Variants in IGF2BP3 observed in about 807,000 individuals in gnomAD.
IGF2BP3 encodes the protein insulin-like growth factor 2 mRNA-binding protein 3.
IGF2BP3 carries 9 observed loss-of-function variants against 73.8 expected under a neutral mutation model. That is an observed-to-expected ratio of 0.12 (90% CI 0.07 to 0.21). The LOEUF is 0.21. IGF2BP3 is among the 10% of genes least tolerant of loss of function. The pLI is 1.00. For missense variants in IGF2BP3, 542 were observed against 714.0 expected (o/e 0.76, Z 2.75); for synonymous variants, 258 against 256.7 (o/e 1.01, Z -0.05).
intron 10 of IGF2BP3, among the ~76,000 whole-genome samples, chr7:23,333,370 C>T (rs1052729636): frequency 1.3e-5 from 2 of 152,192 alleles, no homozygotes; most frequent in African/African-American, 4.8e-5. Flanking sequence ...CAGCATCCTC[C>T]TCAGAGTGAA....
chr7:23,430,919 A>C (rs1787657286), intron 2 of IGF2BP3, among the ~76,000 whole-genome samples: 1 of 152,266 alleles, frequency 6.6e-6, no homozygotes, highest in Non-Finnish European at 1.5e-5. Flanking sequence ...CAATTACAAT[A>C]CACAGAATGA....
chr7:23,447,881 T>A (rs751701763), intron 2 of IGF2BP3, among the ~76,000 whole-genome samples: 1 of 152,106 alleles, frequency 6.6e-6, no homozygotes, highest in Non-Finnish European at 1.5e-5. Context: ...CTCAGGAGAC[T>A]GAGGTGGGAG....
chr7:23,386,484 C>A (rs1468351711), intron 3 of IGF2BP3, among the ~76,000 whole-genome samples: 2 of 152,186 alleles, frequency 1.3e-5, no homozygotes. Flanking sequence ...CAAAGGGACA[C>A]AGGAGCCCCC....
intron 3 of IGF2BP3, among the ~76,000 whole-genome samples, chr7:23,408,717 G>T (rs181784660): frequency 2.8e-4 from 42 of 152,166 alleles, no homozygotes; most frequent in African/African-American, 9.4e-4. Flanking sequence ...ATACCCAAAA[G>T]AATTGAAAGC....
chr7:23,392,465 T>A (rs201411259), intron 3 of IGF2BP3, among the ~76,000 whole-genome samples: 1 of 140,262 alleles, frequency 7.1e-6, no homozygotes, highest in African/African-American at 2.6e-5. Flanking sequence ...CACACACACA[T>A]ATATATGTAT....
intron 5 of IGF2BP3, among the ~76,000 whole-genome samples, chr7:23,356,536 C>T (rs1785100696): frequency 6.6e-6 from 1 of 152,218 alleles, no homozygotes; most frequent in Admixed American, 6.5e-5. Context: ...CCAAGTCTGC[C>T]TGGGCAACAG....
At chr7:23,458,108 G>A (rs76424078) in intron 2 of IGF2BP3, among the ~76,000 whole-genome samples, 1 of 152,134 alleles carries the variant, frequency 6.6e-6, no homozygotes, top group East Asian at 1.9e-4. Flanking sequence ...GGGTGACGTT[G>A]TATTCATCCT....
intron 2 of IGF2BP3, among the ~76,000 whole-genome samples, chr7:23,422,092 A>C (rs1185779018): frequency 6.6e-6 from 1 of 152,110 alleles, no homozygotes; most frequent in Non-Finnish European, 1.5e-5. Flanking sequence ...ATTCTGTTTT[A>C]ATCAAGTATC....
intron 3 of IGF2BP3, among the ~76,000 whole-genome samples, chr7:23,405,801 T>TA (rs1786810743): frequency 6.6e-6 from 1 of 152,322 alleles, no homozygotes; most frequent in African/African-American, 2.4e-5. Context: ...AAAGAGTTTC[T>TA]GAACTCTTCA....
Position 23,311,750 on chromosome 7 carries a change from CAAA to C in IGF2BP3, c.*609_*611del, listed in dbSNP as rs900103958. ...ATCATTATAAAGTATATAAAATTTTCAAAAAAAAGGAACAATTTTGCTTTTCAT... is the reference window on the plus strand; with the variant it reads ...ATCATTATAAAGTATATAAAATTTTCAAAAAGGAACAATTTTGCTTTTCAT... On this transcript the variant is annotated 3_prime_UTR_variant, in exon 15 of 15. Transcript: ENST00000258729. The C allele has an allele frequency of 6.6e-6, 1 of 151,686 alleles. No homozygotes were observed. Among genetic ancestry groups the C allele is most frequent in the African/African-American group, 2.4e-5 (1 of 41,136 alleles). 9.4% of individuals were successfully genotyped at this position (151,686 alleles called of 1,614,324 possible).
At position 23,361,771 on chromosome 7, in the gene IGF2BP3, TTTTGAG is replaced by T. The variant is rs779325647; in HGVS notation, c.286-36_286-31del. 2.5e-6 allele frequency: 4 copies of T among 1,580,666 alleles called. No homozygotes were observed. In the African/African-American group the frequency reaches 5.5e-5, roughly 22 times the overall value. ...CAGGAGGGGGAGAGAAAATTATAAA[TTTTGAG>T]TTTCCCAAGTTATTATCAAGGGCAG... On this transcript the variant is annotated intron_variant, in intron 3 of 14. Transcript: ENST00000258729.
At chr7:23,434,589 G>C (rs1162794701) in intron 2 of IGF2BP3, among the ~76,000 whole-genome samples, 1 of 152,214 alleles carries the variant, frequency 6.6e-6, no homozygotes. Flanking sequence ...AGGTTGACAA[G>C]TTTGATCTAA....
chr7:23,445,773 T>C (rs1361052151), intron 2 of IGF2BP3, among the ~76,000 whole-genome samples: 1 of 152,120 alleles, frequency 6.6e-6, no homozygotes, highest in African/African-American at 2.4e-5. Flanking sequence ...GATTAACAAT[T>C]ACCATAAGTG....
At chr7:23,421,674 G>C (rs1245788556) in intron 2 of IGF2BP3, among the ~76,000 whole-genome samples, 2 of 141,862 alleles carry the variant, frequency 1.4e-5, no homozygotes, top group Non-Finnish European at 3.0e-5. Flanking sequence ...CTGGGTGACA[G>C]AGCGAGACTC....
chr7:23,401,050 C>T (rs1786645201), intron 3 of IGF2BP3, among the ~76,000 whole-genome samples: 1 of 152,140 alleles, frequency 6.6e-6, no homozygotes, highest in Non-Finnish European at 1.5e-5. Flanking sequence ...ACCTGCCTGC[C>T]TCCCCCAAAG....
intron 3 of IGF2BP3, among the ~76,000 whole-genome samples, chr7:23,403,422 C>A (rs1786730483): frequency 6.6e-6 from 1 of 152,094 alleles, no homozygotes; most frequent in South Asian, 2.1e-4. Flanking sequence ...TAGGACATTA[C>A]ATTGATTTTT....
chr7:23,465,999 A>G (rs1325840303), intron 2 of IGF2BP3, among the ~76,000 whole-genome samples: 2 of 151,682 alleles, frequency 1.3e-5, no homozygotes, highest in African/African-American at 4.8e-5. Context: ...ACTGTAATAT[A>G]GATTTCCAGA....
At chr7:23,336,462 A>G (rs1784575803) in intron 10 of IGF2BP3, among the ~76,000 whole-genome samples, 1 of 151,732 alleles carries the variant, frequency 6.6e-6, no homozygotes, top group Admixed American at 6.6e-5. Context: ...TTTTTTTTAA[A>G]TAACATCATA....
At chr7:23,408,023 A>G (rs1417673169) in intron 3 of IGF2BP3, among the ~76,000 whole-genome samples, 1 of 151,888 alleles carries the variant, frequency 6.6e-6, no homozygotes. Context: ...ATATCAATTC[A>G]TGCAGAAAAA....
Sources: gnomAD v4.1 joint callset for allele counts (sites outside exome capture counted in the v4.1 genomes callset) on GRCh38, gnomAD v4.1.1 for gene constraint, MANE v1.5 for transcripts, NCBI Gene and HGNC (gene_info 2026-07-23, HGNC 2026-07-21) for gene names.